Variants in GRIP1 observed in about 807,000 individuals in gnomAD.
The protein encoded by GRIP1 is glutamate receptor interacting protein 1, also known as glutamate receptor-interacting protein 1.
In GRIP1, 45 loss-of-function variants were observed where a neutral mutation model predicts 129.9. The ratio of observed to expected loss-of-function variants is 0.35; its 90% CI spans 0.27 to 0.44. The LOEUF is 0.44. Ranked by LOEUF, GRIP1 falls within the 20% of genes least tolerant of loss-of-function variation. The pLI is 1.00. For synonymous variants in GRIP1, 530 were observed against 520.8 expected (o/e 1.02, Z -0.24); for missense variants, 1,196 against 1,396.8 (o/e 0.86, Z 2.29).
At chr12:66,444,209 G>A (rs1172251689) in intron 13 of GRIP1, among the ~76,000 whole-genome samples, 2 of 152,216 alleles carry the variant, frequency 1.3e-5, no homozygotes, top group African/African-American at 2.4e-5. Flanking sequence ...CCTCTTGGCC[G>A]GGCGCGGTGG....
chr12:66,536,315 A>G (rs1276664183), intron 4 of GRIP1, among the ~76,000 whole-genome samples: 1 of 152,100 alleles, frequency 6.6e-6, no homozygotes, highest in Non-Finnish European at 1.5e-5. Flanking sequence ...GCCCCAAACC[A>G]TATAGTGACT....
chr12:66,908,447 T>C (rs1418386575), intron 1 of GRIP1, among the ~76,000 whole-genome samples: 1 of 152,224 alleles, frequency 6.6e-6, no homozygotes, highest in Non-Finnish European at 1.5e-5. Context: ...CTGAAAATGA[T>C]TCATGTAAGA....
chr12:66,552,562 C>T (rs1044961207), intron 2 of GRIP1, among the ~76,000 whole-genome samples: 6 of 152,240 alleles, frequency 3.9e-5, no homozygotes, highest in Admixed American at 6.5e-5. Flanking sequence ...GTCTATTTTA[C>T]GTACATGAAA....
At chr12:66,490,623 TTAAAC>T (rs1349545659) in intron 7 of GRIP1, among the ~76,000 whole-genome samples, 2 of 152,136 alleles carry the variant, frequency 1.3e-5, no homozygotes, top group African/African-American at 4.8e-5. Flanking sequence ...TGAGATCTAA[TTAAAC>T]TAAAGAGCTT....
At chr12:66,805,297 AT>A (rs55695588), upstream of GRIP1, among the ~76,000 whole-genome samples, 2 of 152,220 alleles carry the variant, frequency 1.3e-5, no homozygotes, top group Non-Finnish European at 1.5e-5. Flanking sequence ...TTAAAAAATT[AT>A]TTTTAAGAAC....
intron 1 of GRIP1, among the ~76,000 whole-genome samples, chr12:66,956,274 C>A (rs1397525178): frequency 6.6e-6 from 1 of 152,114 alleles, no homozygotes; most frequent in East Asian, 1.9e-4. Context: ...ATCAGGTATT[C>A]CACTGGAGGT....
intron 1 of GRIP1, among the ~76,000 whole-genome samples, chr12:66,775,608 G>A (rs760046849): frequency 9.9e-5 from 15 of 151,722 alleles, no homozygotes; most frequent in Non-Finnish European, 1.6e-4. Context: ...CTATTTCTGT[G>A]GTCAATCAGC....
intron 2 of GRIP1, among the ~76,000 whole-genome samples, 189 bp downstream of exon 2, chr12:66,596,658 C>T (rs982517559): frequency 6.6e-6 from 1 of 152,172 alleles, no homozygotes; most frequent in African/African-American, 2.4e-5. Context: ...CACAAGTTGG[C>T]AAGGTTTTCC....
intron 5 of GRIP1, among the ~76,000 whole-genome samples, chr12:66,529,458 A>T (rs1337802390): frequency 6.6e-6 from 1 of 152,236 alleles, no homozygotes; most frequent in Non-Finnish European, 1.5e-5. Context: ...ACTCAGCCAT[A>T]AAAAGGAATG....
At chr12:66,903,920 T>C (rs1466956417) in intron 1 of GRIP1, among the ~76,000 whole-genome samples, 2 of 152,188 alleles carry the variant, frequency 1.3e-5, no homozygotes, top group Admixed American at 1.3e-4. Flanking sequence ...CTACTTTTAC[T>C]CAGCCAAGCA....
At chr12:67,026,991 C>G (rs1482434770) in intron 1 of GRIP1, among the ~76,000 whole-genome samples, 1 of 152,170 alleles carries the variant, frequency 6.6e-6, no homozygotes, top group Admixed American at 6.6e-5. Flanking sequence ...GGCGCAATCA[C>G]AGCTCACTAC....
intron 1 of GRIP1, among the ~76,000 whole-genome samples, chr12:67,027,481 T>C (rs1170810967): frequency 6.6e-6 from 1 of 152,240 alleles, no homozygotes; most frequent in African/African-American, 2.4e-5. Context: ...CAAAATGCCA[T>C]GCTAAATACT....
intron 1 of GRIP1, among the ~76,000 whole-genome samples, chr12:66,767,946 A>T (rs1264206968): frequency 6.6e-6 from 1 of 152,134 alleles, no homozygotes; most frequent in Non-Finnish European, 1.5e-5. Context: ...GGAAGAGGGG[A>T]GGGTTAAGAA....
chr12:66,542,128 T>TA (rs1752712711), intron 2 of GRIP1, among the ~76,000 whole-genome samples, 178 bp from the exon 3 acceptor site: 1 of 152,238 alleles, frequency 6.6e-6, no homozygotes, highest in Non-Finnish European at 1.5e-5. Context: ...CTGAGGCAGA[T>TA]ATTCTATTAG....
chr12:66,568,857 G>T, intron 2 of GRIP1: 1 of 452,548 alleles, frequency 2.2e-6, no homozygotes, highest in Non-Finnish European at 4.3e-6. Context: ...AACTGGTCAG[G>T]AAGATGAACT....
chr12:66,920,478 T>C (rs751739458), intron 1 of GRIP1, among the ~76,000 whole-genome samples: 3 of 152,184 alleles, frequency 2.0e-5, no homozygotes, highest in Non-Finnish European at 2.9e-5. Flanking sequence ...ACAAGACACA[T>C]GTCACATTCA....
chr12:66,649,586 G>A lies in GRIP1; in HGVS notation c.55+29264C>T, dbSNP rs548539821. Among the ~76,000 whole-genome samples the A allele has an allele frequency of 2.3e-4, 35 of 152,318 alleles. No homozygotes were observed. The South Asian group carries it at 3.7e-3, about 16-fold the overall frequency. On this transcript the variant is annotated intron_variant, in intron 1 of 24. Coordinates refer to ENST00000359742, the MANE Select transcript of GRIP1 (RefSeq NM_001366722.1). ...TAGCCCAGTAGGAAAGATAAAAGCA[G>A]CACATGAATGTAACCCAAGGAAAGG...
intron 1 of GRIP1, among the ~76,000 whole-genome samples, chr12:66,815,622 G>C (rs764004513): frequency 1.4e-4 from 21 of 152,002 alleles, no homozygotes; most frequent in Non-Finnish European, 2.5e-4. Flanking sequence ...AAATTAGCCA[G>C]GCTTTGTGGC....
At chr12:66,598,309 A>T (rs2064135210) in intron 1 of GRIP1, among the ~76,000 whole-genome samples, 1 of 152,210 alleles carries the variant, frequency 6.6e-6, no homozygotes, top group East Asian at 1.9e-4. Flanking sequence ...ACACTGCTGT[A>T]AGTGGCAATT....
Sources: allele counts gnomAD v4.1 joint callset (sites outside exome capture counted in the v4.1 genomes callset), GRCh38; gene constraint gnomAD v4.1.1; transcripts MANE v1.5; gene names NCBI Gene and HGNC (gene_info 2026-07-23, HGNC 2026-07-21).